The following DROSHA variants were observed in gnomAD, a reference collection of about 807,000 sequenced individuals.
DROSHA encodes ribonuclease 3.
DROSHA carries 56 observed loss-of-function variants against 181.9 expected under a neutral mutation model. The ratio of observed to expected loss-of-function variants is 0.31; its 90% CI spans 0.25 to 0.38. DROSHA has a LOEUF of 0.38. Ranked by LOEUF, DROSHA falls within the 10% of genes least tolerant of loss-of-function variation. The pLI is 1.00. For missense variants in DROSHA, 1,218 were observed against 1,743.5 expected (o/e 0.70, Z 5.37); for synonymous variants, 524 against 591.2 (o/e 0.89, Z 1.65).
intron 16 of DROSHA, among the ~76,000 whole-genome samples, chr5:31,481,740 G>A (rs150050522): frequency 2.4e-3 from 368 of 152,266 alleles, no homozygotes; most frequent in Non-Finnish European, 3.9e-3. Flanking sequence ...AGAGTATCAG[G>A]AAAAAATCTT....
intron 25 of DROSHA, among the ~76,000 whole-genome samples, chr5:31,434,007 C>T (rs1744506379): frequency 6.6e-6 from 1 of 152,218 alleles, no homozygotes; most frequent in African/African-American, 2.4e-5. Flanking sequence ...TTAAGGACTA[C>T]TGGTCTATAC....
chr5:31,454,944 A>C (rs1055522968), intron 20 of DROSHA, among the ~76,000 whole-genome samples: 411 of 149,664 alleles, frequency 2.7e-3, no homozygotes, highest in Non-Finnish European at 5.1e-3. Context: ...TGTCTCAAAA[A>C]AAAAAAAAAA....
rs773776370 is a variant in DROSHA at position 31,409,345 on chromosome 5, G to C, written c.3668-13C>G. 4.5e-6 allele frequency: 7 copies of C among 1,560,020 alleles called. No homozygotes were observed. The highest frequency in any genetic ancestry group is 6.1e-6 in the Non-Finnish European group (7 of 1,151,286). On this transcript the variant is annotated splice_polypyrimidine_tract_variant and intron_variant, in intron 31 of 35. Coordinates refer to ENST00000344624, the MANE Select transcript of DROSHA (RefSeq NM_001382508.1). The surrounding 1 kb of genome is among the most constrained non-coding windows in gnomAD (Gnocchi z 4.0). Reference sequence around the variant, plus strand: ...GCTGCAATAAATGCTGGGGAAAAAAGAATACTTTAAAATAAACCACAATCA... The same window carrying C: ...GCTGCAATAAATGCTGGGGAAAAAACAATACTTTAAAATAAACCACAATCA...
chr5:31,495,985 G>A (rs1752931975), intron 11 of DROSHA, among the ~76,000 whole-genome samples: 1 of 152,208 alleles, frequency 6.6e-6, no homozygotes, highest in South Asian at 2.1e-4. Context: ...AAGGTGCCAA[G>A]TTGGGGCTGG....
intron 28 of DROSHA, among the ~76,000 whole-genome samples, chr5:31,423,729 T>C (rs948096332): frequency 5.9e-5 from 9 of 152,158 alleles, no homozygotes; most frequent in African/African-American, 2.2e-4. Context: ...CAACCACTTC[T>C]TACATTTATT....
At chr5:31,478,599 T>C (rs1456935120) in intron 16 of DROSHA, among the ~76,000 whole-genome samples, 2 of 152,124 alleles carry the variant, frequency 1.3e-5, no homozygotes, top group African/African-American at 4.8e-5. Flanking sequence ...CCAGGCATGG[T>C]GGCAGGTCCC....
At position 31,508,781 on chromosome 5, in the gene DROSHA, A is replaced by C. The variant is rs200420822; in HGVS notation, c.1433-6T>G. The C allele has an allele frequency of 1.9e-6, 3 of 1,603,060 alleles. No homozygotes were observed. The highest frequency in any genetic ancestry group is 2.6e-6 in the Non-Finnish European group (3 of 1,175,106). On this transcript the variant is annotated splice_polypyrimidine_tract_variant and splice_region_variant and intron_variant, in intron 9 of 35. Transcript: ENST00000344624. ...CTCGGATTCACTGGAACTCTCTAACAGGGGTTGGGAGAAAAATACAGAAAT... is the reference window on the plus strand; with the variant it reads ...CTCGGATTCACTGGAACTCTCTAACCGGGGTTGGGAGAAAAATACAGAAAT...
intron 27 of DROSHA, among the ~76,000 whole-genome samples, chr5:31,428,859 C>G (rs1743802659): frequency 1.3e-5 from 2 of 152,102 alleles, no homozygotes; most frequent in African/African-American, 4.8e-5. Flanking sequence ...ATCCAGTGTA[C>G]TCTATTACAT....
chr5:31,515,914 G>A (rs1027559517), intron 6 of DROSHA, among the ~76,000 whole-genome samples: 23 of 152,340 alleles, frequency 1.5e-4, no homozygotes, highest in Admixed American at 1.1e-3. Flanking sequence ...ACTTCCTGGG[G>A]CTTGAAATCT....
In DROSHA at chr5:31,401,386, TCA is replaced by T. The variant is rs1241811092; in HGVS notation, c.*44_*45del. The T allele has an allele frequency of 1.3e-6, 2 of 1,599,750 alleles. No individual in the cohort carries two copies. Among genetic ancestry groups the T allele is most frequent in the Non-Finnish European group, 1.7e-6 (2 of 1,170,798 alleles). ...TAGGCTAGGTCTCAATAGACAACAGTCACAGTTACTGAGCAAGTAAATACTCC... is the reference window on the plus strand; with the variant it reads ...TAGGCTAGGTCTCAATAGACAACAGTCAGTTACTGAGCAAGTAAATACTCC... On this transcript the variant is annotated 3_prime_UTR_variant, in exon 36 of 36. Coordinates refer to ENST00000344624, the MANE Select transcript of DROSHA (RefSeq NM_001382508.1).
Position 31,495,347 on chromosome 5 carries a change from G to A in DROSHA, c.1694C>T (p.Thr565Ile), listed in dbSNP as rs1487001201. The A allele has an allele frequency of 6.2e-7, 1 of 1,613,830 alleles. No individual in the cohort carries two copies. Among genetic ancestry groups the A allele is most frequent in the Middle Eastern group, 1.6e-4 (1 of 6,062 alleles). ...GTGGAAAAGTCTGCCAGCATTGTTGGTCATAGGACGACAGGGCTTGATGGC... is the reference window on the plus strand; with the variant it reads ...GTGGAAAAGTCTGCCAGCATTGTTGATCATAGGACGACAGGGCTTGATGGC... Reference protein sequence around the residue: ...EEAIKPCRPMTNNAGRLFHYR... With the variant: ...EEAIKPCRPMINNAGRLFHYR... The change falls in exon 12 of 36, where the codon ACC (threonine) becomes ATC (isoleucine). Residue 565 changes from threonine (T) to isoleucine (I), a missense_variant. Thr to Ile is a moderately conservative substitution (Grantham distance 89). Coordinates refer to ENST00000344624, the MANE Select transcript of DROSHA (RefSeq NM_001382508.1).
At chr5:31,418,587 T>C (rs1742259262) in intron 30 of DROSHA, among the ~76,000 whole-genome samples, 1 of 152,128 alleles carries the variant, frequency 6.6e-6, no homozygotes, top group East Asian at 1.9e-4. Flanking sequence ...GTATCAATAG[T>C]TATGCAGAAA....
In DROSHA at chr5:31,429,048, T is replaced by C. The variant is rs956615441; in HGVS notation, c.3216+427A>G. ...CTATGAACTGACATTTAAAAATAAA[T>C]AAACATTTATCTAGTCTACATAATT... is the stretch of plus-strand genomic sequence containing the variant. On this transcript the variant is annotated intron_variant, in intron 27 of 35. Coordinates refer to ENST00000344624, the MANE Select transcript of DROSHA (RefSeq NM_001382508.1). Among the ~76,000 whole-genome samples the C allele has an allele frequency of 3.9e-5, 6 of 152,246 alleles. No individual in the cohort carries two copies. In the South Asian group the frequency reaches 1.0e-3, roughly 26 times the overall value.
chr5:31,513,768 T>C (rs991343732), intron 8 of DROSHA, among the ~76,000 whole-genome samples: 4 of 152,074 alleles, frequency 2.6e-5, no homozygotes, highest in Admixed American at 2.6e-4. Flanking sequence ...TCTGCAACTT[T>C]TCATGCCCGA....
intron 13 of DROSHA, among the ~76,000 whole-genome samples, chr5:31,492,833 G>A (rs1370495250): frequency 6.6e-6 from 1 of 152,212 alleles, no homozygotes; most frequent in East Asian, 1.9e-4. Flanking sequence ...AATAAGCTCT[G>A]TTTCTTTTGC....
chr5:31,482,475 GAA>G (rs1751145657), intron 16 of DROSHA, among the ~76,000 whole-genome samples: 1 of 152,202 alleles, frequency 6.6e-6, no homozygotes, highest in African/African-American at 2.4e-5. Flanking sequence ...GATGTCACCA[GAA>G]AGTGAGATAA....
At chr5:31,410,658 C>CATAATA (rs1741198718) in intron 31 of DROSHA, 88 bp downstream of exon 31, 1 of 1,481,452 alleles carries the variant, frequency 6.8e-7, no homozygotes, top group Non-Finnish European at 9.0e-7. Context: ...TTAGCCAGAA[C>CATAATA]ATAATAATAA....
At position 31,467,919 on chromosome 5, in the gene DROSHA, A is replaced by G. The variant is rs1749274344; in HGVS notation, c.2366+20T>C. 6.2e-7 allele frequency: 1 copy of G among 1,609,170 alleles called. No individual in the cohort carries two copies. The highest frequency in any genetic ancestry group is 1.3e-5 in the African/African-American group (1 of 74,878). On this transcript the variant is annotated intron_variant, in intron 18 of 35. Coordinates refer to ENST00000344624, the MANE Select transcript of DROSHA (RefSeq NM_001382508.1). ...GTAGAAGGTGAAATTGGCTAAGACA[A>G]ACACTGAGAAATATCTTACTGTGGG... is the stretch of plus-strand genomic sequence containing the variant.
rs1050316232 is a variant in DROSHA at position 31,411,994 on chromosome 5, A to G, written c.3526-1107T>C. ...TTCATATTTCAACTTTAGGAATTCA[A>G]AACAAAAATTTCTACTAGGAATTTC... On this transcript the variant is annotated intron_variant, in intron 30 of 35. Coordinates refer to ENST00000344624, the MANE Select transcript of DROSHA (RefSeq NM_001382508.1). The surrounding 1 kb of genome is among the most constrained non-coding windows in gnomAD (Gnocchi z 4.2). 2.6e-5 allele frequency among the ~76,000 whole-genome samples: 4 copies of G among 152,226 alleles called. No individual in the cohort carries two copies. The highest frequency in any genetic ancestry group is 9.7e-5 in the African/African-American group (4 of 41,444).
Sources: gnomAD v4.1 joint callset for allele counts (sites outside exome capture counted in the v4.1 genomes callset) on GRCh38, gnomAD v4.1.1 for gene constraint, Gnocchi (gnomAD v3.1) non-coding constraint, MANE v1.5 for transcripts, NCBI Gene and HGNC (gene_info 2026-07-23, HGNC 2026-07-21) for gene names.